Variants in WDFY3 observed in about 807,000 individuals in gnomAD.
The protein encoded by WDFY3 is WD repeat and FYVE domain-containing protein 3.
A neutral mutation model predicts 409.6 loss-of-function variants in WDFY3; 66 were observed. That is an observed-to-expected ratio of 0.16 (90% CI 0.13 to 0.20). The LOEUF is 0.20. WDFY3 is among the 10% of genes least tolerant of loss of function. The probability of loss-of-function intolerance (pLI) is 1.00; values close to 1 mark genes in which losing one functional copy is unlikely to be tolerated. For synonymous variants in WDFY3, 1,521 were observed against 1,537.1 expected (o/e 0.99, Z 0.25); for missense variants, 3,031 against 4,298.1 (o/e 0.71, Z 8.24).
chr4:84,912,934 A>G (rs1457289209), intron 2 of WDFY3, among the ~76,000 whole-genome samples: 1 of 152,162 alleles, frequency 6.6e-6, no homozygotes, highest in Non-Finnish European at 1.5e-5. Context: ...GGTAAACACC[A>G]AATGCCAGTA....
intron 42 of WDFY3, among the ~76,000 whole-genome samples, chr4:84,735,757 G>A (rs187747181): frequency 1.3e-5 from 2 of 152,332 alleles, no homozygotes; most frequent in East Asian, 1.9e-4. Context: ...GAAGTAGGAT[G>A]AGGAAGAAGT....
At chr4:84,694,790 A>C (rs969662370) in intron 58 of WDFY3, among the ~76,000 whole-genome samples, 1 of 152,106 alleles carries the variant, frequency 6.6e-6, no homozygotes, top group Non-Finnish European at 1.5e-5. Flanking sequence ...AATAAAAATA[A>C]AAGTAAACAT....
intron 25 of WDFY3, 62 bp from the exon 26 acceptor site, chr4:84,780,360 C>G: frequency 6.9e-7 from 1 of 1,448,032 alleles, no homozygotes; most frequent in South Asian, 1.5e-5. Flanking sequence ...GAACTGTATA[C>G]ATCATCTTGA....
chr4:84,837,855 T>C (rs1159988208), intron 6 of WDFY3, among the ~76,000 whole-genome samples: 3 of 152,180 alleles, frequency 2.0e-5, no homozygotes, highest in African/African-American at 4.8e-5. Context: ...GTCCAGGGAA[T>C]GTCAGGCTGT....
At chr4:84,822,153 A>G (rs960204766) in intron 10 of WDFY3, among the ~76,000 whole-genome samples, 9 of 151,828 alleles carry the variant, frequency 5.9e-5, no homozygotes, top group South Asian at 2.1e-4. Flanking sequence ...CCAAATGGGG[A>G]AAAAAAAACT....
intron 5 of WDFY3, chr4:84,844,407 G>A (rs1757793411): frequency 7.8e-7 from 1 of 1,275,108 alleles, no homozygotes; most frequent in Non-Finnish European, 1.0e-6. Flanking sequence ...CAGCTTCCAT[G>A]CTTCTTTTCA....
chr4:84,848,329 T>C (rs1306530700), intron 5 of WDFY3, among the ~76,000 whole-genome samples: 1 of 151,830 alleles, frequency 6.6e-6, no homozygotes. Context: ...AATAACAATG[T>C]AAGAGCCTAA....
rs536239069 is a variant in WDFY3 at position 84,752,470 on chromosome 4, T to C, written c.5740-754A>G. Among the ~76,000 whole-genome samples the C allele has an allele frequency of 5.4e-5, 8 of 148,984 alleles. No individual in the cohort carries two copies. In the East Asian group the frequency reaches 1.6e-3, roughly 30 times the overall value. On this transcript the variant is annotated intron_variant, in intron 35 of 67. Coordinates refer to ENST00000295888, the MANE Select transcript of WDFY3 (RefSeq NM_014991.6). ...TGAACTTGGGACGTGGAGGTTGCAG[T>C]GAGCCGAGATCGTGCCACCATTGCA...
At position 84,672,595 on chromosome 4, in the gene WDFY3, A is replaced by G. The variant is rs1376903012; in HGVS notation, c.*273T>C. ...TAATAAGTGAGGATTTTTCTCTTGG[A>G]GACAGCTACTGTCATCAGGGAGAAC... On this transcript the variant is annotated 3_prime_UTR_variant, in exon 68 of 68. Transcript: ENST00000295888. 4.3e-5 allele frequency: 11 copies of G among 255,380 alleles called. No homozygotes were observed. The highest frequency in any genetic ancestry group is 8.8e-5 in the African/African-American group (4 of 45,256). 15.8% of individuals were successfully genotyped at this position (255,380 alleles called of 1,614,324 possible).
chr4:84,817,574 C>T lies in WDFY3; in HGVS notation c.1705G>A (p.Glu569Lys). ...GSNTNAGIFR[E>K]FGGARCAHNI... ...TGTGCACATCTTGCACCTCCAAATT[C>T]TCGAAAAATTCCTTGAAGGAAGGAG... The change falls in exon 13 of 68, where the codon GAA becomes AAA. Residue 569 changes from glutamate to lysine, a missense_variant. Coordinates refer to ENST00000295888, the MANE Select transcript of WDFY3 (RefSeq NM_014991.6). 6.3e-7 allele frequency: 1 copy of T among 1,593,946 alleles called. No individual in the cohort carries two copies. The highest frequency in any genetic ancestry group is 8.6e-7 in the Non-Finnish European group (1 of 1,169,394).
chr4:84,828,060 C>G (rs1022850668), intron 9 of WDFY3, among the ~76,000 whole-genome samples: 3 of 123,738 alleles, frequency 2.4e-5, no homozygotes, highest in African/African-American at 9.0e-5. Flanking sequence ...AGCCTGGGAA[C>G]ATAATGAGAC....
Position 84,690,499 on chromosome 4 carries a change from C to T in WDFY3, c.9363+7G>A, listed in dbSNP as rs1202714158. On this transcript the variant is annotated splice_region_variant and intron_variant, in intron 61 of 67. Transcript: ENST00000295888. Reference sequence around the variant, plus strand: ...TCCTTCTTGGCATTTTCTATGTTCTCTCTTACCTGTTTGAGGGTGACGGTC... The same window carrying T: ...TCCTTCTTGGCATTTTCTATGTTCTTTCTTACCTGTTTGAGGGTGACGGTC... The T allele has an allele frequency of 1.2e-6, 2 of 1,614,006 alleles. No homozygotes were observed. The highest frequency in any genetic ancestry group is 1.7e-6 in the Non-Finnish European group (2 of 1,180,022).
intron 36 of WDFY3, among the ~76,000 whole-genome samples, chr4:84,751,044 A>G (rs1211563996): frequency 1.3e-5 from 2 of 152,276 alleles, no homozygotes; most frequent in East Asian, 1.9e-4. Context: ...AGGGGTTGGC[A>G]CACTATGGCC....
intron 3 of WDFY3, among the ~76,000 whole-genome samples, chr4:84,888,191 G>T (rs994036727): frequency 3.9e-5 from 6 of 152,052 alleles, no homozygotes; most frequent in South Asian, 4.1e-4. Context: ...ATAATATTCA[G>T]AATATTAAGG....
At chr4:84,679,839 TATACACAC>T (rs1727032267) in intron 64 of WDFY3, among the ~76,000 whole-genome samples, 3 of 148,390 alleles carry the variant, frequency 2.0e-5, no homozygotes, top group Admixed American at 1.3e-4. Context: ...TATATATATA[TATACACAC>T]ACACACACAC....
At chr4:84,917,052 C>A (rs1033596999) in intron 2 of WDFY3, among the ~76,000 whole-genome samples, 1 of 152,024 alleles carries the variant, frequency 6.6e-6, no homozygotes, top group African/African-American at 2.4e-5. Flanking sequence ...ATCACACACA[C>A]GAAAAATAGA....
chr4:84,739,643 C>T (rs1738056792), intron 39 of WDFY3, among the ~76,000 whole-genome samples: 1 of 152,184 alleles, frequency 6.6e-6, no homozygotes, highest in South Asian at 2.1e-4. Context: ...GGTTAGGGGC[C>T]CCTCTTATGT....
intron 27 of WDFY3, 43 bp from the exon 28 acceptor site, chr4:84,775,181 A>T (rs1384639174): frequency 1.3e-6 from 2 of 1,544,098 alleles, no homozygotes; most frequent in Non-Finnish European, 1.8e-6. Context: ...GTTAAAAAAA[A>T]TGCCCAAATG....
chr4:84,751,760 T>G (rs1342246323), intron 35 of WDFY3, 44 bp from the exon 36 acceptor site: 3 of 1,598,198 alleles, frequency 1.9e-6, no homozygotes, highest in Admixed American at 1.7e-5. Flanking sequence ...CATTAGACTC[T>G]GACATTTTTA....
Sources: gnomAD v4.1 joint callset for allele counts (sites outside exome capture counted in the v4.1 genomes callset) on GRCh38, gnomAD v4.1.1 for gene constraint, MANE v1.5 for transcripts, NCBI Gene and HGNC (gene_info 2026-07-23, HGNC 2026-07-21) for gene names.